SORBS2: variants seen among roughly 807,000 people sequenced by gnomAD.
SORBS2 encodes the protein sorbin and SH3 domain containing 2.
Under a neutral mutation model 97.7 loss-of-function variants are expected in SORBS2, and 46 were observed. The observed-to-expected ratio is 0.47, with a 90% CI of 0.37 to 0.60. The LOEUF is 0.60. Among genes scored for constraint, SORBS2 ranks in the 20% least tolerant of loss-of-function variants. The pLI, the probability that SORBS2 is intolerant of heterozygous loss-of-function variation, is 0.00. For missense variants in SORBS2, 1,316 were observed against 1,282.3 expected, an observed-to-expected ratio of 1.03 and a Z score of -0.40; for synonymous variants, 476 against 473.4, an observed-to-expected ratio of 1.01 and a Z score of -0.07.
chr4:185,659,719 C>G (rs988736723), upstream of SORBS2, among the ~76,000 whole-genome samples: 3 of 152,160 alleles, frequency 2.0e-5, no homozygotes, highest in African/African-American at 7.2e-5. Flanking sequence ...CCGCGCCCGG[C>G]TAAGCTAGTC....
intron 6 of SORBS2, among the ~76,000 whole-genome samples, chr4:185,625,236 G>T (rs2096790923): frequency 6.6e-6 from 1 of 152,086 alleles, no homozygotes; most frequent in Non-Finnish European, 1.5e-5. Context: ...TTCATCAGAG[G>T]TGCATATACC....
At chr4:185,829,195 T>A (rs889428536) in intron 1 of SORBS2, among the ~76,000 whole-genome samples, 1 of 152,208 alleles carries the variant, frequency 6.6e-6, no homozygotes, top group Non-Finnish European at 1.5e-5. Flanking sequence ...ATACTCTTGC[T>A]GTTGGGCCCC....
chr4:185,708,658 T>A (rs551587195), intron 2 of SORBS2, among the ~76,000 whole-genome samples: 2,209 of 152,298 alleles, frequency 0.015, 28 homozygotes, highest in Admixed American at 0.026. Context: ...CTTTCCGCCC[T>A]CCGTGATGCC....
At chr4:185,821,538 C>T (rs1299436548) in intron 1 of SORBS2, among the ~76,000 whole-genome samples, 2 of 152,156 alleles carry the variant, frequency 1.3e-5, no homozygotes, top group African/African-American at 4.8e-5. Flanking sequence ...ATTCTCCTGC[C>T]TCAGCCTCCC....
intron 1 of SORBS2, among the ~76,000 whole-genome samples, chr4:185,914,318 T>A (rs974656977): frequency 6.6e-6 from 1 of 152,260 alleles, no homozygotes; most frequent in African/African-American, 2.4e-5. Context: ...TTGCACTGAC[T>A]CTTGCCTCAG....
At chr4:185,815,625 T>A (rs1201402158) in intron 1 of SORBS2, among the ~76,000 whole-genome samples, 3 of 152,174 alleles carry the variant, frequency 2.0e-5, no homozygotes, top group Non-Finnish European at 4.4e-5. Context: ...TACACACACA[T>A]ATATATGCTC....
chr4:185,936,976 C>A (rs568419592), intron 1 of SORBS2, among the ~76,000 whole-genome samples: 2 of 152,240 alleles, frequency 1.3e-5, no homozygotes, highest in African/African-American at 4.8e-5. Flanking sequence ...AGAGGACTAC[C>A]TTCTAAAAGA....
intron 2 of SORBS2, among the ~76,000 whole-genome samples, chr4:185,750,182 G>A (rs1328786329): frequency 6.6e-6 from 1 of 152,216 alleles, no homozygotes; most frequent in Non-Finnish European, 1.5e-5. Context: ...AAGTTCTTAA[G>A]AACTCTTTCG....
At chr4:185,626,624 C>T (rs998774998) in intron 6 of SORBS2, among the ~76,000 whole-genome samples, 1 of 152,090 alleles carries the variant, frequency 6.6e-6, no homozygotes, top group Admixed American at 6.5e-5. Flanking sequence ...TTAGCAGATG[C>T]TAGTCAGAGT....
chr4:185,943,981 T>C (rs143064722), intron 1 of SORBS2, among the ~76,000 whole-genome samples: 1 of 152,348 alleles, frequency 6.6e-6, no homozygotes, highest in African/African-American at 2.4e-5. Flanking sequence ...AATCATTCTG[T>C]TTGTTTAAAT....
At chr4:185,600,958 T>C (rs1278834174) in intron 12 of SORBS2, among the ~76,000 whole-genome samples, 1 of 152,162 alleles carries the variant, frequency 6.6e-6, no homozygotes, top group Admixed American at 6.5e-5. Context: ...GTGAGTAAGC[T>C]GACCTTCTTT....
chr4:185,929,857 A>C (rs1486654854), intron 1 of SORBS2, among the ~76,000 whole-genome samples: 1 of 152,004 alleles, frequency 6.6e-6, no homozygotes, highest in African/African-American at 2.4e-5. Context: ...TAAAAGCCTG[A>C]TTTTGGGCGT....
intron 2 of SORBS2, among the ~76,000 whole-genome samples, chr4:185,722,175 ACGG>A (rs2098520112): frequency 6.6e-6 from 1 of 152,224 alleles, no homozygotes; most frequent in Admixed American, 6.5e-5. Flanking sequence ...GGATGATGAA[ACGG>A]CTATGATCAC....
intron 1 of SORBS2, among the ~76,000 whole-genome samples, chr4:185,929,466 T>C (rs936595128): frequency 6.6e-6 from 1 of 152,096 alleles, no homozygotes; most frequent in Non-Finnish European, 1.5e-5. Flanking sequence ...ATTTGTATGA[T>C]CCATCAAAGG....
chr4:185,758,452 G>A lies in SORBS2; in HGVS notation c.-198+16775C>T, dbSNP rs558744918. 1.7e-4 allele frequency among the ~76,000 whole-genome samples: 26 copies of A among 152,126 alleles called. 1 individual carries two copies. In the South Asian group the frequency reaches 5.4e-3, roughly 32 times the overall value. On this transcript the variant is annotated intron_variant, in intron 2 of 20. Coordinates refer to the SORBS2 transcript ENST00000284776. ...TGATAGGGTTCTCCTCCTCCTCCTGGCCTCTCAATCTTGGAGGTTTTTAGC... is the reference window on the plus strand; with the variant it reads ...TGATAGGGTTCTCCTCCTCCTCCTGACCTCTCAATCTTGGAGGTTTTTAGC...
intron 1 of SORBS2, among the ~76,000 whole-genome samples, chr4:185,830,638 C>G (rs1298940812): frequency 6.6e-6 from 1 of 152,196 alleles, no homozygotes; most frequent in Non-Finnish European, 1.5e-5. Context: ...AGGATAGAGA[C>G]TTGCTAGTTC....
chr4:185,898,705 C>G (rs1019433263), intron 1 of SORBS2, among the ~76,000 whole-genome samples: 4 of 152,114 alleles, frequency 2.6e-5, no homozygotes, highest in Non-Finnish European at 5.9e-5. Context: ...AAATAAAATG[C>G]AGAGTGGTAT....
intron 1 of SORBS2, among the ~76,000 whole-genome samples, chr4:185,895,882 C>T (rs756991463): frequency 6.6e-6 from 1 of 152,110 alleles, no homozygotes; most frequent in African/African-American, 2.4e-5. Context: ...ATATTATTAT[C>T]GGAAAAGTTT....
intron 2 of SORBS2, among the ~76,000 whole-genome samples, chr4:185,736,138 G>A (rs1324564804): frequency 6.6e-6 from 1 of 152,166 alleles, no homozygotes; most frequent in Admixed American, 6.5e-5. Context: ...AGGGACCCTT[G>A]TCATCATCCC....
Sources: allele counts gnomAD v4.1 joint callset (sites outside exome capture counted in the v4.1 genomes callset), GRCh38; gene constraint gnomAD v4.1.1; transcripts MANE v1.5; gene names NCBI Gene and HGNC (gene_info 2026-07-23, HGNC 2026-07-21).